Variants in GPR158 observed in about 807,000 individuals in gnomAD.
GPR158 encodes the protein metabotropic glycine receptor.
GPR158 carries 30 observed loss-of-function variants against 78.2 expected under a neutral mutation model. The observed-to-expected ratio is 0.38, with a 90% confidence interval of 0.29 to 0.52. GPR158 has a LOEUF of 0.52. GPR158 is among the 20% of genes least tolerant of loss of function. The pLI is 0.83. For missense variants in GPR158, 1,463 were observed against 1,523.5 expected (o/e 0.96, Z 0.66); for synonymous variants, 581 against 591.1 (o/e 0.98, Z 0.25).
chr10:25,301,759 G>C (rs781251325), intron 2 of GPR158, among the ~76,000 whole-genome samples: 9 of 152,082 alleles, frequency 5.9e-5, no homozygotes, highest in African/African-American at 2.2e-4. Flanking sequence ...GATAGTTTAC[G>C]TATAATGAAA....
chr10:25,436,498 C>A (rs1474337289), intron 4 of GPR158, among the ~76,000 whole-genome samples: 1 of 152,168 alleles, frequency 6.6e-6, no homozygotes, highest in African/African-American at 2.4e-5. Flanking sequence ...GAGCTGAACT[C>A]TTTAACATTT....
chr10:25,378,302 T>G (rs1397507815), intron 2 of GPR158, among the ~76,000 whole-genome samples: 2 of 152,172 alleles, frequency 1.3e-5, no homozygotes, highest in South Asian at 2.1e-4. Flanking sequence ...GTTTTGTCCT[T>G]TGTATAAATG....
chr10:25,501,712 T>G (rs1218256992), intron 5 of GPR158, among the ~76,000 whole-genome samples: 1 of 152,210 alleles, frequency 6.6e-6, no homozygotes, highest in Non-Finnish European at 1.5e-5. Flanking sequence ...GGAGCAGACT[T>G]GTACCTGCAA....
At chr10:25,253,705 T>G (rs1379608466) in intron 2 of GPR158, among the ~76,000 whole-genome samples, 2 of 152,176 alleles carry the variant, frequency 1.3e-5, no homozygotes, top group Non-Finnish European at 2.9e-5. Flanking sequence ...TATATATATA[T>G]CACACTTTGA....
At chr10:25,220,387 T>C (rs1394409963) in intron 1 of GPR158, among the ~76,000 whole-genome samples, 1 of 152,218 alleles carries the variant, frequency 6.6e-6, no homozygotes, top group African/African-American at 2.4e-5. Context: ...ATTTAGCTTT[T>C]GACTGGCTCT....
chr10:25,232,513 ACT>A (rs747689701), intron 2 of GPR158, among the ~76,000 whole-genome samples: 3 of 151,950 alleles, frequency 2.0e-5, no homozygotes, highest in Non-Finnish European at 4.4e-5. Context: ...CAAGAATTAA[ACT>A]CTGTTCCCTG....
intron 2 of GPR158, among the ~76,000 whole-genome samples, chr10:25,385,431 G>T (rs1284698382): frequency 2.0e-5 from 3 of 152,094 alleles, no homozygotes; most frequent in African/African-American, 7.2e-5. Context: ...ATGAATATGG[G>T]TATGCAAATA....
At chr10:25,235,643 G>A (rs185225664) in intron 2 of GPR158, among the ~76,000 whole-genome samples, 1 of 146,302 alleles carries the variant, frequency 6.8e-6, no homozygotes, top group Admixed American at 6.8e-5. Context: ...TCAAATTTCT[G>A]TAAAATGAGG....
intron 5 of GPR158, among the ~76,000 whole-genome samples, chr10:25,485,297 C>A (rs1835721369): frequency 6.7e-6 from 1 of 150,358 alleles, no homozygotes; most frequent in African/African-American, 2.5e-5. Flanking sequence ...GTGTCAAGGG[C>A]TACATAATGT....
chr10:25,177,767 C>A (rs559792830), intron 1 of GPR158, among the ~76,000 whole-genome samples: 5 of 152,270 alleles, frequency 3.3e-5, no homozygotes, highest in African/African-American at 1.2e-4. Flanking sequence ...ATAATAAACC[C>A]CTTTGTCTGA....
intron 2 of GPR158, among the ~76,000 whole-genome samples, chr10:25,288,807 AAAT>A (rs1228370768): frequency 6.6e-6 from 1 of 152,222 alleles, no homozygotes; most frequent in Non-Finnish European, 1.5e-5. Flanking sequence ...TAAGCTTTAA[AAAT>A]AATAACTCTT....
rs756719283 is a variant in GPR158 at position 25,589,125 on chromosome 10, T to C, written c.1872T>C (p.Ser624=). The change falls in exon 8 of 11, where the codon TCT becomes TCC. Residue 624 remains serine (S), a synonymous_variant. Transcript: ENST00000376351. The part of the protein sequence containing the change: ...AVAVHNELII[S]AIFHTIRFVL... ...CAGTTCACAATGAGCTCATCATCTC[T>C]GCTATATTCCATACAATTAGGCAAG... 3.1e-6 allele frequency: 5 copies of C among 1,609,576 alleles called. No individual in the cohort carries two copies. The highest frequency in any genetic ancestry group is 2.5e-6 in the Non-Finnish European group (3 of 1,176,914).
At chr10:25,551,276 T>C (rs1836721767) in intron 6 of GPR158, among the ~76,000 whole-genome samples, 191 bp downstream of exon 6, 1 of 152,212 alleles carries the variant, frequency 6.6e-6, no homozygotes, top group East Asian at 1.9e-4. Flanking sequence ...TACAACTGAA[T>C]TGTTTGAACA....
At chr10:25,247,253 G>C (rs1449502313) in intron 2 of GPR158, among the ~76,000 whole-genome samples, 1 of 150,520 alleles carries the variant, frequency 6.6e-6, no homozygotes, top group Non-Finnish European at 1.5e-5. Context: ...ACTGAGTCTT[G>C]TGCACAATAA....
At chr10:25,399,414 C>T (rs1015629757) in intron 3 of GPR158, among the ~76,000 whole-genome samples, 49 of 152,100 alleles carry the variant, frequency 3.2e-4, no homozygotes, top group African/African-American at 1.1e-3. Context: ...GAAGTGCAAA[C>T]CCTAATGTGA....
chr10:25,376,471 C>A (rs1237527004), intron 2 of GPR158, among the ~76,000 whole-genome samples: 1 of 151,642 alleles, frequency 6.6e-6, no homozygotes, highest in Non-Finnish European at 1.5e-5. Context: ...TCACCACTGT[C>A]AATTTTGTGT....
intron 2 of GPR158, among the ~76,000 whole-genome samples, chr10:25,367,570 A>T (rs768540): frequency 3.3e-5 from 5 of 151,568 alleles, no homozygotes; most frequent in African/African-American, 1.2e-4. Flanking sequence ...GACAAATGGA[A>T]ATCTTGATAA....
intron 9 of GPR158, 101 bp from the exon 10 acceptor site, chr10:25,596,542 G>A (rs1314612916): frequency 1.3e-6 from 1 of 751,774 alleles, no homozygotes; most frequent in East Asian, 2.8e-5. Context: ...TCTAGGTATA[G>A]ATATAGATAC....
At chr10:25,526,558 G>A (rs573072775) in intron 5 of GPR158, among the ~76,000 whole-genome samples, 1 of 152,290 alleles carries the variant, frequency 6.6e-6, no homozygotes, top group South Asian at 2.1e-4. Flanking sequence ...TTTATGTAAG[G>A]AGTTGTTAAA....
Sources: gnomAD v4.1 joint callset for allele counts (sites outside exome capture counted in the v4.1 genomes callset) on GRCh38, gnomAD v4.1.1 for gene constraint, MANE v1.5 for transcripts, NCBI Gene and HGNC (gene_info 2026-07-23, HGNC 2026-07-21) for gene names.